Variants in ANKFN1 observed in about 807,000 individuals in gnomAD.
ANKFN1 encodes ankyrin repeat and fibronectin type III domain containing 1.
ANKFN1 carries 74 observed loss-of-function variants against 108.7 expected under a neutral mutation model. That is an observed-to-expected ratio of 0.68 (90% CI 0.56 to 0.83). ANKFN1 has a LOEUF of 0.83. ANKFN1 is among the 40% of genes least tolerant of loss of function. The pLI is 0.00. For synonymous variants in ANKFN1, 547 were observed against 516.2 expected, an observed-to-expected ratio of 1.06 and a Z score of -0.81; for missense variants, 1,505 against 1,382.3, an observed-to-expected ratio of 1.09 and a Z score of -1.41.
At chr17:56,070,851 C>G (rs1257495863) in intron 4 of ANKFN1, among the ~76,000 whole-genome samples, 1 of 151,986 alleles carries the variant, frequency 6.6e-6, no homozygotes, top group East Asian at 1.9e-4. Context: ...TCTCCTGCCT[C>G]AGCCTCCCAA....
intron 8 of ANKFN1, among the ~76,000 whole-genome samples, chr17:56,401,368 A>ATTGTATTGTATTGTATTGTATTGTG (rs55888620): frequency 2.9e-4 from 39 of 135,644 alleles, no homozygotes; most frequent in African/African-American, 1.0e-3. Flanking sequence ...ATTGTATTGT[A>ATTGTATTGTATTGTATTGTATTGTG]TTGTGTTGTG....
At chr17:56,492,734 A>G (rs1422368346) in intron 19 of ANKFN1, among the ~76,000 whole-genome samples, 1 of 152,174 alleles carries the variant, frequency 6.6e-6, no homozygotes, top group Non-Finnish European at 1.5e-5. Flanking sequence ...GAGAAAAAGA[A>G]AATAAAATGA....
chr17:56,130,955 T>C (rs1267049569), intron 4 of ANKFN1, among the ~76,000 whole-genome samples: 1 of 152,042 alleles, frequency 6.6e-6, no homozygotes, highest in Non-Finnish European at 1.5e-5. Flanking sequence ...TCTTGTTCTG[T>C]GAGTCACTTA....
chr17:56,166,570 C>T (rs1910146543), intron 1 of ANKFN1, among the ~76,000 whole-genome samples: 1 of 152,058 alleles, frequency 6.6e-6, no homozygotes, highest in Admixed American at 6.6e-5. Flanking sequence ...ACGTGAAGCC[C>T]ATACTGCAGC....
intron 1 of ANKFN1, among the ~76,000 whole-genome samples, chr17:56,172,999 G>T (rs1247431857): frequency 6.6e-6 from 1 of 152,212 alleles, no homozygotes; most frequent in Non-Finnish European, 1.5e-5. Context: ...GTCCTAGAGG[G>T]CAGGCTGAGA....
chr17:56,156,622 A>G (rs1369791467), intron 1 of ANKFN1: 6 of 152,238 alleles, frequency 3.9e-5, no homozygotes, highest in Non-Finnish European at 7.3e-5. Flanking sequence ...CCCTTTGGGA[A>G]CGTGGGAGGT....
intron 19 of ANKFN1, among the ~76,000 whole-genome samples, chr17:56,496,672 TAGG>T (rs1443067536): frequency 6.6e-6 from 1 of 152,162 alleles, no homozygotes; most frequent in East Asian, 1.9e-4. Flanking sequence ...TTGTTAGAAT[TAGG>T]ATCCACAGAG....
intron 3 of ANKFN1, among the ~76,000 whole-genome samples, chr17:56,281,294 T>C (rs78265858): frequency 0.088 from 13,381 of 152,122 alleles, 1,589 homozygotes; most frequent in African/African-American, 0.27. Flanking sequence ...AGTGCCAAAA[T>C]CATTCAATCA....
intron 8 of ANKFN1, among the ~76,000 whole-genome samples, chr17:56,424,104 G>C (rs1452855646): frequency 6.6e-6 from 1 of 152,222 alleles, no homozygotes; most frequent in Non-Finnish European, 1.5e-5. Flanking sequence ...AGATGCTACA[G>C]ATTTTTCTGG....
At chr17:56,141,923 C>CTTTTTTTT (rs34394014) in intron 4 of ANKFN1, among the ~76,000 whole-genome samples, 18 of 95,672 alleles carry the variant, frequency 1.9e-4, no homozygotes, top group Admixed American at 2.5e-4. Flanking sequence ...CGATGGTGTA[C>CTTTTTTTT]TTTTTTTTTT....
At chr17:56,118,600 G>C (rs1906416673) in intron 4 of ANKFN1, among the ~76,000 whole-genome samples, 1 of 152,132 alleles carries the variant, frequency 6.6e-6, no homozygotes, top group African/African-American at 2.4e-5. Flanking sequence ...CACTGTTCAA[G>C]TATGTTACAT....
intron 4 of ANKFN1, among the ~76,000 whole-genome samples, chr17:56,331,932 A>G (rs1024246748): frequency 6.6e-6 from 1 of 152,186 alleles, no homozygotes; most frequent in Non-Finnish European, 1.5e-5. Flanking sequence ...TTGCTTCACA[A>G]GAAAACACAT....
chr17:56,109,955 G>C (rs1050427143), intron 4 of ANKFN1, among the ~76,000 whole-genome samples: 1 of 152,180 alleles, frequency 6.6e-6, no homozygotes, highest in African/African-American at 2.4e-5. Flanking sequence ...TCTACCAACA[G>C]CTCCTTCATA....
chr17:56,102,202 C>T (rs2143223994), intron 4 of ANKFN1, among the ~76,000 whole-genome samples: 1 of 152,308 alleles, frequency 6.6e-6, no homozygotes, highest in Admixed American at 6.5e-5. Context: ...GCCCCCTGCC[C>T]TGCAGTCAAA....
At chr17:56,378,223 A>T (rs1343549330) in intron 8 of ANKFN1, among the ~76,000 whole-genome samples, 1 of 152,112 alleles carries the variant, frequency 6.6e-6, no homozygotes, top group South Asian at 2.1e-4. Flanking sequence ...GCAGCCAAAA[A>T]ATTCCAGGGC....
chr17:56,422,505 G>T (rs56253207), intron 8 of ANKFN1, among the ~76,000 whole-genome samples: 1 of 150,602 alleles, frequency 6.6e-6, no homozygotes, highest in African/African-American at 2.5e-5. Flanking sequence ...ACACACACAC[G>T]CATGCACGCA....
At chr17:56,068,431 G>T (rs1351946191) in intron 4 of ANKFN1, among the ~76,000 whole-genome samples, 1 of 152,194 alleles carries the variant, frequency 6.6e-6, no homozygotes, top group Non-Finnish European at 1.5e-5. Flanking sequence ...TAGAGCAGTG[G>T]CTGCACCTAG....
chr17:56,186,947 A>G (rs1205042523), intron 1 of ANKFN1, among the ~76,000 whole-genome samples: 1 of 152,238 alleles, frequency 6.6e-6, no homozygotes, highest in Non-Finnish European at 1.5e-5. Context: ...AGATGGATTA[A>G]AGACCTAAAT....
chr17:56,081,501 C>T (rs1393886933), intron 4 of ANKFN1, among the ~76,000 whole-genome samples: 1 of 151,918 alleles, frequency 6.6e-6, no homozygotes, highest in Non-Finnish European at 1.5e-5. Flanking sequence ...TACAGGCACC[C>T]GCCACCACGC....
Sources: allele counts gnomAD v4.1 joint callset (sites outside exome capture counted in the v4.1 genomes callset), GRCh38; gene constraint gnomAD v4.1.1; transcripts MANE v1.5; gene names NCBI Gene and HGNC (gene_info 2026-07-23, HGNC 2026-07-21).